CLIC5: variants seen among roughly 807,000 people sequenced by gnomAD.
The protein encoded by CLIC5 is chloride intracellular channel protein 5.
CLIC5 carries 20 observed loss-of-function variants against 24.7 expected under a neutral mutation model. The observed-to-expected ratio is 0.81, with a 90% confidence interval of 0.57 to 1.18. The LOEUF (loss-of-function observed/expected upper bound fraction) is 1.18, where lower values mean the gene tolerates loss of function less well. Among genes scored for constraint, CLIC5 ranks in the 50% most tolerant of loss-of-function variants. The pLI is 0.00. For synonymous variants in CLIC5, 159 were observed against 135.6 expected, an observed-to-expected ratio of 1.17 and a Z score of -1.20; for missense variants, 341 against 326.1, an observed-to-expected ratio of 1.05 and a Z score of -0.35.
chr6:46,007,615 G>A lies in CLIC5; in HGVS notation c.63+7865C>T, dbSNP rs150482689. Among the ~76,000 whole-genome samples, 408 of 152,256 alleles carry A rather than the reference G, an allele frequency of 2.7e-3. 1 individual carries two copies. The highest frequency in any genetic ancestry group is 8.4e-3 in the African/African-American group (350 of 41,548). Reference sequence around the variant, plus strand: ...CAACATGGTCACAGTGAATGCAGCCGTAATAGCAATGGCAAAAACAGCAGC... The same window carrying A: ...CAACATGGTCACAGTGAATGCAGCCATAATAGCAATGGCAAAAACAGCAGC... On this transcript the variant is annotated intron_variant, in intron 1 of 5. Coordinates refer to ENST00000339561, the MANE Select transcript of CLIC5 (RefSeq NM_016929.5).
chr6:45,917,378 T>C (rs1392971844), intron 4 of CLIC5, among the ~76,000 whole-genome samples: 1 of 152,252 alleles, frequency 6.6e-6, no homozygotes, highest in African/African-American at 2.4e-5. Context: ...GGGGTCCTCC[T>C]GTTCTCTGTT....
intron 3 of CLIC5, among the ~76,000 whole-genome samples, chr6:45,942,307 T>C (rs991040356): frequency 4.0e-5 from 6 of 151,780 alleles, no homozygotes; most frequent in East Asian, 1.9e-4. Context: ...CCAGCCCCCC[T>C]CTCTCTCTCT....
rs568792463 is a variant in CLIC5, at chr6:45,948,162, A to C, written c.299+1094T>G. Among the ~76,000 whole-genome samples, 376 of 152,358 alleles carry C rather than the reference A, an allele frequency of 2.5e-3. 2 individuals carry two copies. Among genetic ancestry groups the C allele is most frequent in the Non-Finnish European group, 4.6e-3 (314 of 68,034 alleles). On this transcript the variant is annotated intron_variant, in intron 3 of 5. Transcript: ENST00000339561. ...AAGTGTTGTGAATGGTGCCTGACAC[A>C]AAATGAAGGCTATAAAAGTGTTGAT... is the stretch of plus-strand genomic sequence containing the variant.
chr6:45,934,206 C>T (rs1763848477), intron 4 of CLIC5: 3 of 152,270 alleles, frequency 2.0e-5, no homozygotes, highest in African/African-American at 7.2e-5. Flanking sequence ...CGGGGCTGCC[C>T]TGACTGTTTT....
chr6:46,084,065 A>C (rs1762980397), upstream of CLIC5, among the ~76,000 whole-genome samples: 1 of 152,086 alleles, frequency 6.6e-6, no homozygotes, highest in Admixed American at 6.5e-5. Context: ...TTGTTGGTTT[A>C]AAGTCTGTTT....
intron 1 of CLIC5, among the ~76,000 whole-genome samples, chr6:45,997,512 G>GAAA (rs201284615): frequency 7.7e-6 from 1 of 130,254 alleles, no homozygotes. Flanking sequence ...AATAATAAAA[G>GAAA]AAAAAAAAAA....
chr6:46,088,384 A>C, the CLIC5 span, among the ~76,000 whole-genome samples: 454 of 152,272 alleles, frequency 3.0e-3, 2 homozygotes, highest in Middle Eastern at 0.01. Context: ...GTACTCCACA[A>C]GAAACACACA....
intron 1 of CLIC5, among the ~76,000 whole-genome samples, chr6:45,969,457 C>T (rs570920777): frequency 6.9e-4 from 103 of 149,632 alleles, no homozygotes; most frequent in African/African-American, 2.4e-3. Context: ...GCCCCCACCC[C>T]CTCCTGCTCT....
chr6:46,039,329 A>G (rs1209004705), intron 1 of CLIC5, among the ~76,000 whole-genome samples: 1 of 152,158 alleles, frequency 6.6e-6, no homozygotes, highest in African/African-American at 2.4e-5. Context: ...CAGGAAAAAG[A>G]TGGGTGGAGA....
At chr6:46,067,375 C>G (rs1180949015) in intron 1 of CLIC5, among the ~76,000 whole-genome samples, 1 of 152,108 alleles carries the variant, frequency 6.6e-6, no homozygotes, top group Non-Finnish European at 1.5e-5. Flanking sequence ...CCTTGATATT[C>G]TGATTGGAAG....
intron 6 of CLIC5, among the ~76,000 whole-genome samples, chr6:45,881,380 G>T (rs1213310210): frequency 6.6e-6 from 1 of 151,960 alleles, no homozygotes; most frequent in Non-Finnish European, 1.5e-5. Flanking sequence ...ACAGAAAATG[G>T]GCTTTTCTCC....
At chr6:46,087,607 T>A in the CLIC5 span, among the ~76,000 whole-genome samples, 2 of 151,986 alleles carry the variant, frequency 1.3e-5, no homozygotes, top group African/African-American at 4.8e-5. Flanking sequence ...TCCCTTCTCA[T>A]CCCCTCTCTG....
chr6:46,010,046 G>A (rs1041686663), intron 1 of CLIC5, among the ~76,000 whole-genome samples: 1 of 152,142 alleles, frequency 6.6e-6, no homozygotes, highest in Non-Finnish European at 1.5e-5. Flanking sequence ...CTGCAGCAAT[G>A]AGACTCACTG....
intron 4 of CLIC5, among the ~76,000 whole-genome samples, chr6:45,936,645 A>C (rs1398184916): frequency 6.6e-6 from 1 of 152,186 alleles, no homozygotes; most frequent in Non-Finnish European, 1.5e-5. Context: ...TACAAGGACA[A>C]GAGGCAAAGC....
At chr6:45,987,688 G>A (rs1334850698) in intron 1 of CLIC5, among the ~76,000 whole-genome samples, 5 of 152,146 alleles carry the variant, frequency 3.3e-5, no homozygotes, top group Non-Finnish European at 7.3e-5. Context: ...GTGTGCAGAT[G>A]GCTGCCTTCC....
chr6:46,113,620 AG>A, the CLIC5 span, among the ~76,000 whole-genome samples: 1 of 152,212 alleles, frequency 6.6e-6, no homozygotes, highest in African/African-American at 2.4e-5. Context: ...CATGCTGGCA[AG>A]GGGACCAGAC....
chr6:46,024,696 T>C (rs1767281764), intron 1 of CLIC5, among the ~76,000 whole-genome samples: 1 of 152,196 alleles, frequency 6.6e-6, no homozygotes, highest in Admixed American at 6.5e-5. Context: ...TGTTTGCAAC[T>C]GGACATTTAT....
chr6:46,068,787 A>G (rs558235263), intron 1 of CLIC5, among the ~76,000 whole-genome samples: 1 of 152,280 alleles, frequency 6.6e-6, no homozygotes, highest in African/African-American at 2.4e-5. Flanking sequence ...ACAGAGAGAA[A>G]GAAGATGGTG....
exon 1 of CLIC5, chr6:46,079,982 T>G: frequency 6.4e-7 from 1 of 1,551,698 alleles, no homozygotes; most frequent in Non-Finnish European, 8.7e-7. Flanking sequence ...GTTCAGAGTA[T>G]ATCTCATCAG....
Sources: allele counts gnomAD v4.1 joint callset (sites outside exome capture counted in the v4.1 genomes callset), GRCh38; gene constraint gnomAD v4.1.1; transcripts MANE v1.5; gene names NCBI Gene and HGNC (gene_info 2026-07-23, HGNC 2026-07-21).